The following MARCHF10 variants were observed in gnomAD, a reference collection of about 807,000 sequenced individuals.
The protein encoded by MARCHF10 is probable E3 ubiquitin-protein ligase MARCHF10.
MARCHF10 carries 64 observed loss-of-function variants against 76.2 expected under a neutral mutation model. That is an observed-to-expected ratio of 0.84 (90% CI 0.69 to 1.03). The LOEUF (loss-of-function observed/expected upper bound fraction) is 1.03, where lower values mean the gene tolerates loss of function less well. MARCHF10 is among the 50% of genes least tolerant of loss of function. The pLI, the probability that MARCHF10 is intolerant of heterozygous loss-of-function variation, is 0.00. For synonymous variants in MARCHF10, 340 were observed against 357.5 expected, an observed-to-expected ratio of 0.95 and a Z score of 0.55; for missense variants, 875 against 958.0, an observed-to-expected ratio of 0.91 and a Z score of 1.14.
chr17:62,724,933 C>G lies in MARCHF10; in HGVS notation c.2104+5G>C. ...CACGTTCACTGCACTTCCTTCCCCA[C>G]CTACCTGATGTTATTTTCACTTTCA... On this transcript the variant is annotated splice_donor_5th_base_variant and intron_variant, in intron 7 of 10. Transcript: ENST00000311269. 1 of 1,611,324 alleles carries G rather than the reference C, an allele frequency of 6.2e-7. No homozygotes were observed.
chr17:62,805,485 A>G (rs1260802669), intron 1 of MARCHF10, among the ~76,000 whole-genome samples: 1 of 152,228 alleles, frequency 6.6e-6, no homozygotes. Flanking sequence ...GTTAATATAG[A>G]AAGCCGGTTA....
chr17:62,747,106 G>C, intron 4 of MARCHF10: 1 of 694,412 alleles, frequency 1.4e-6, no homozygotes, highest in Admixed American at 2.4e-5. Flanking sequence ...AATGAGGATC[G>C]TCTCTCAGCC....
chr17:62,723,078 C>T (rs910199436), intron 7 of MARCHF10, among the ~76,000 whole-genome samples: 4 of 151,160 alleles, frequency 2.6e-5, no homozygotes, highest in African/African-American at 9.7e-5. Context: ...GCCCAGGTAA[C>T]ATTGCCACCT....
chr17:62,800,443 G>A (rs1262118800), intron 2 of MARCHF10, among the ~76,000 whole-genome samples: 2 of 152,132 alleles, frequency 1.3e-5, no homozygotes, highest in Non-Finnish European at 2.9e-5. Flanking sequence ...AAATGCCCTC[G>A]ATTTTCTCGT....
In MARCHF10 at chr17:62,701,348, TGGC is replaced by T; in HGVS notation, c.*352_*354del. ...AATGTCAGTTTACTGAATGAATACATGGCTCGAGTCCATTCAGGGTGGAGTGAG... is the reference window on the plus strand; with the variant it reads ...AATGTCAGTTTACTGAATGAATACATTCGAGTCCATTCAGGGTGGAGTGAG... On this transcript the variant is annotated 3_prime_UTR_variant, in exon 11 of 11. Coordinates refer to ENST00000311269, the MANE Select transcript of MARCHF10 (RefSeq NM_152598.4). The T allele has an allele frequency of 3.2e-6, 1 of 316,906 alleles. No individual in the cohort carries two copies. The highest frequency in any genetic ancestry group is 1.0e-3 in the Middle Eastern group (1 of 982). The allele number at this position is 316,906 out of a possible 1,614,324, so 19.6% of individuals were successfully genotyped here.
chr17:62,750,240 G>C (rs2091850673), intron 4 of MARCHF10: 2 of 153,162 alleles, frequency 1.3e-5, no homozygotes, highest in Non-Finnish European at 2.9e-5. Context: ...CTGGGGCCCT[G>C]AAGGCACAGC....
In MARCHF10 at chr17:62,711,143, G is replaced by A. The variant is rs1384202559; in HGVS notation, c.2328+88C>T. 10 of 1,040,066 alleles carry A rather than the reference G, an allele frequency of 9.6e-6. No individual in the cohort carries two copies. Among genetic ancestry groups the A allele is most frequent in the African/African-American group, 6.3e-5 (4 of 63,504 alleles). The allele number at this position is 1,040,066 out of a possible 1,614,324, so 64.4% of individuals were successfully genotyped here. On this transcript the variant is annotated intron_variant, in intron 9 of 10. Transcript: ENST00000311269. This position sits in a 1 kb window ranked among gnomAD's most constrained non-coding sequence, Gnocchi z 4.4. The stretch of plus-strand genomic sequence containing the variant: ...CCCATATCCTCCCAAGCGACCGTGA[G>A]GACCTCAACAGCTTGCACATCTAAT...
intron 10 of MARCHF10, 100 bp from the exon 11 acceptor site, chr17:62,701,858 C>G (rs2089257502): frequency 6.6e-7 from 1 of 1,510,450 alleles, no homozygotes; most frequent in Non-Finnish European, 9.1e-7. Flanking sequence ...CCACCCCATC[C>G]CTGAGGCCCA....
intron 3 of MARCHF10, 131 bp downstream of exon 3, chr17:62,788,349 T>C: frequency 8.0e-7 from 1 of 1,248,958 alleles, no homozygotes; most frequent in Non-Finnish European, 1.1e-6. Context: ...TGGCTCTCCC[T>C]GCCTTGACCT....
At position 62,788,492 on chromosome 17, in the gene MARCHF10, T is replaced by C. The variant is rs1220282782; in HGVS notation, c.198A>G (p.Ser66=). The C allele has an allele frequency of 3.1e-6, 5 of 1,614,136 alleles. No individual in the cohort carries two copies. Among genetic ancestry groups the C allele is most frequent in the Admixed American group, 3.3e-5 (2 of 60,016 alleles). Residue 66 remains serine, a synonymous_variant, in exon 3 of 11, where the codon TCA becomes TCG. Transcript: ENST00000311269. ...SFERSRFSSR[S]SSKQSSSEED... ...GAATTCTTCATACCTGTTTGGAAGA[T>C]GACCTGCTAGAAAACCGGGATCTCT... is the stretch of plus-strand genomic sequence containing the variant.
At chr17:62,795,592 T>A (rs1210831572) in intron 2 of MARCHF10, among the ~76,000 whole-genome samples, 3 of 152,254 alleles carry the variant, frequency 2.0e-5, no homozygotes, top group African/African-American at 7.2e-5. Flanking sequence ...CCTCTCTTGC[T>A]GCTAGCACAG....
At chr17:62,709,520 A>C (rs972015109) in intron 9 of MARCHF10, among the ~76,000 whole-genome samples, 1 of 152,084 alleles carries the variant, frequency 6.6e-6, no homozygotes, top group Non-Finnish European at 1.5e-5. Context: ...CGAGGCATCC[A>C]TCACTGGGTC....
chr17:62,730,056 C>A lies in MARCHF10; in HGVS notation c.1938-4952G>T, dbSNP rs9906391. ...AATTAGCCGGGTGAGGTGGCGCCTGCCTGTAATCCCAGCTACTCAGGAGGC... is the reference window on the plus strand; with the variant it reads ...AATTAGCCGGGTGAGGTGGCGCCTGACTGTAATCCCAGCTACTCAGGAGGC... On this transcript the variant is annotated intron_variant, in intron 6 of 10. Coordinates refer to ENST00000311269, the MANE Select transcript of MARCHF10 (RefSeq NM_152598.4). Among the ~76,000 whole-genome samples, 665 of 94,046 alleles carry A rather than the reference C, an allele frequency of 7.1e-3. 1 individual carries two copies. The highest frequency in any genetic ancestry group is 0.01 in the South Asian group (30 of 2,874). 61.7% of individuals were successfully genotyped at this position (94,046 alleles called of 152,430 possible). A position where few individuals can be genotyped will look rare whatever the true frequency, so the allele number is the denominator to read the frequency against.
Position 62,735,983 on chromosome 17 carries a change from C to G in MARCHF10, c.1885G>C (p.Glu629Gln). 6.2e-7 allele frequency: 1 copy of G among 1,613,748 alleles called. No homozygotes were observed. The highest frequency in any genetic ancestry group is 8.5e-7 in the Non-Finnish European group (1 of 1,179,960). ...MAASGFTDEK[E>Q]TSKIKADPEK... Reference sequence around the variant, plus strand: ...GGGTCTGCCTTTATCTTACTGGTTTCCTTTTCATCTGTGAAACCAGAGGCT... The same window carrying G: ...GGGTCTGCCTTTATCTTACTGGTTTGCTTTTCATCTGTGAAACCAGAGGCT... Residue 629 changes from glutamate to glutamine, a missense_variant, in exon 6 of 11, where the codon GAA becomes CAA. Physicochemically the swap from Glu to Gln is conservative, Grantham distance 29. Coordinates refer to ENST00000311269, the MANE Select transcript of MARCHF10 (RefSeq NM_152598.4).
chr17:62,725,251 T>C (rs2090699932), intron 6 of MARCHF10, 147 bp from the exon 7 acceptor site: 1 of 643,526 alleles, frequency 1.6e-6, no homozygotes. Context: ...TGATTTTTGA[T>C]AACACAGGCA....
At chr17:62,722,277 C>CAAAA (rs57370093) in intron 8 of MARCHF10, among the ~76,000 whole-genome samples, 6 of 78,932 alleles carry the variant, frequency 7.6e-5, no homozygotes, top group Non-Finnish European at 1.2e-4. Flanking sequence ...GACTCTGTCT[C>CAAAA]AAAAAAAAAA....
Position 62,723,360 on chromosome 17 carries a change from T to C in MARCHF10, c.2105-763A>G, listed in dbSNP as rs566396739. ...TAGTTGCGGCTTTTGACTAATGATG[T>C]ACTGGTGTTTATTTTATGCATTAGA... On this transcript the variant is annotated intron_variant, in intron 7 of 10. Transcript: ENST00000311269. 4.0e-5 allele frequency among the ~76,000 whole-genome samples: 6 copies of C among 151,814 alleles called. No individual in the cohort carries two copies. In the South Asian group the frequency reaches 1.3e-3, roughly 32 times the overall value.
rs751166661 is a variant in MARCHF10, at chr17:62,737,126, A to G, written c.742T>C (p.Leu248=). 4 of 1,614,056 alleles carry G rather than the reference A, an allele frequency of 2.5e-6. No individual in the cohort carries two copies. The highest frequency in any genetic ancestry group is 1.3e-5 in the African/African-American group (1 of 74,966). Reference sequence around the variant, plus strand: ...AGTGGTGGCCCCGAGAACTCACTCAATACTTGAGGACTATTTTTTCCTTGG... The same window carrying G: ...AGTGGTGGCCCCGAGAACTCACTCAGTACTTGAGGACTATTTTTTCCTTGG... ...AFQGKNSPQV[L]SEFSGPPLTP... is the part of the protein sequence containing the mutation. The change falls in exon 6 of 11, where the codon TTG becomes CTG. Residue 248 remains leucine, a synonymous_variant. Coordinates refer to ENST00000311269, the MANE Select transcript of MARCHF10 (RefSeq NM_152598.4).
intron 4 of MARCHF10, among the ~76,000 whole-genome samples, chr17:62,751,215 G>A (rs967937493): frequency 5.3e-5 from 8 of 152,114 alleles, no homozygotes; most frequent in Non-Finnish European, 2.9e-5. Flanking sequence ...ACCCCCTCAC[G>A]CCTGACAAAT....
Sources: allele counts gnomAD v4.1 joint callset (sites outside exome capture counted in the v4.1 genomes callset), GRCh38; gene constraint gnomAD v4.1.1; non-coding constraint Gnocchi (gnomAD v3.1); transcripts MANE v1.5; gene names NCBI Gene and HGNC (gene_info 2026-07-23, HGNC 2026-07-21).